The following SPG11 variants were observed in gnomAD, a reference collection of about 807,000 sequenced individuals.
The protein encoded by SPG11 is SPG11 vesicle trafficking associated, spatacsin.
Under a neutral mutation model 274.0 loss-of-function variants are expected in SPG11, and 222 were observed. That is an observed-to-expected ratio of 0.81 (90% confidence interval 0.73 to 0.91). SPG11 has a LOEUF of 0.91. SPG11 is among the 40% of genes least tolerant of loss of function. The pLI, the probability that SPG11 is intolerant of heterozygous loss-of-function variation, is 0.00. For missense variants in SPG11, 3,114 were observed against 2,872.7 expected (o/e 1.08, Z -1.92); for synonymous variants, 1,144 against 1,039.7 (o/e 1.10, Z -1.93).
intron 20 of SPG11, among the ~76,000 whole-genome samples, chr15:44,604,974 A>T (rs899416144): frequency 6.8e-6 from 1 of 147,906 alleles, no homozygotes; most frequent in African/African-American, 2.5e-5. Flanking sequence ...TTACATTTTC[A>T]TAACAGTTTC....
intron 33 of SPG11, among the ~76,000 whole-genome samples, chr15:44,571,496 C>CTTTTTTT (rs796235342): frequency 7.1e-5 from 9 of 126,136 alleles, no homozygotes; most frequent in East Asian, 4.6e-4. Context: ...AATTTCTTTT[C>CTTTTTTT]TTTTTTTTTT....
rs117309433 is a variant in SPG11 at position 44,586,043 on chromosome 15, G to A, written c.4907-193C>T. Reference sequence around the variant, plus strand: ...ACTGTCACCTAGGCTGGAATGCAGTGGTGTGATCTCCGCTCGCTGCAACCT... The same window carrying A: ...ACTGTCACCTAGGCTGGAATGCAGTAGTGTGATCTCCGCTCGCTGCAACCT... On this transcript the variant is annotated intron_variant, in intron 28 of 39. Transcript: ENST00000261866. Among the ~76,000 whole-genome samples the A allele has an allele frequency of 0.014, 1,955 of 136,860 alleles. 48 individuals are homozygous for A. The highest frequency in any genetic ancestry group is 0.096 in the East Asian group (455 of 4,720). The allele number at this position is 136,860 out of a possible 152,430, so 89.8% of individuals were successfully genotyped here. A position where few individuals can be genotyped will look rare whatever the true frequency, so the allele number is the denominator to read the frequency against.
chr15:44,572,993 T>TTC (rs1374684908), intron 32 of SPG11, among the ~76,000 whole-genome samples, 173 bp from the exon 33 acceptor site: 1 of 143,546 alleles, frequency 7.0e-6, no homozygotes, highest in Non-Finnish European at 1.5e-5. Context: ...TTTTTTTTTT[T>TTC]TTTTTTTTTT....
intron 27 of SPG11, among the ~76,000 whole-genome samples, chr15:44,592,103 A>G (rs961886829): frequency 3.4e-5 from 5 of 146,638 alleles, no homozygotes; most frequent in African/African-American, 1.3e-4. Flanking sequence ...AGAGCCAGAC[A>G]CTGTCTCAAA....
rs2085075207 is a variant in SPG11 at position 44,660,562 on chromosome 15, C to G, written c.312G>C (p.Leu104=). The G allele has an allele frequency of 1.2e-6, 2 of 1,614,116 alleles. No homozygotes were observed. The highest frequency in any genetic ancestry group is 1.7e-6 in the Non-Finnish European group (2 of 1,180,010). ...NSSTPTEKPK[L]LALGENYELL... ...GTTCATAATTTTCACCAAGAGCGAG[C>G]AGTTTGGGCTTTTCAGTTGGTGTGC... is the stretch of plus-strand genomic sequence containing the variant. Residue 104 remains leucine (L), a synonymous_variant, in exon 2 of 40, where the codon CTG becomes CTC. Transcript: ENST00000261866.
chr15:44,595,356 T>C lies in SPG11; in HGVS notation c.4538A>G (p.His1513Arg). 2 of 1,614,230 alleles carry C rather than the reference T, an allele frequency of 1.2e-6. No individual in the cohort carries two copies. Among genetic ancestry groups the C allele is most frequent in the South Asian group, 1.1e-5 (1 of 91,090 alleles). The change falls in exon 26 of 40, where the codon CAT (histidine) becomes CGT (arginine). Residue 1513 changes from histidine to arginine, a missense_variant. Physicochemically the swap from His to Arg is conservative, Grantham distance 29. Transcript: ENST00000261866. The stretch of plus-strand genomic sequence containing the variant: ...TGAAAGATCCTCAAGGTTCCAGGTA[T>C]GGTCCTCTGTTGAGTCCTGAATGTG... ...MGHIQDSTED[H>R]TWNLEDLSVI...
chr15:44,574,777 A>T, intron 31 of SPG11, 125 bp downstream of exon 31: 1 of 1,195,900 alleles, frequency 8.4e-7, no homozygotes, highest in Non-Finnish European at 1.2e-6. Context: ...CAACATCCTG[A>T]TAAGAGCTCT....
intron 33 of SPG11, chr15:44,572,479 G>C (rs1233677514): frequency 1.7e-6 from 1 of 590,354 alleles, no homozygotes; most frequent in African/African-American, 1.9e-5. Context: ...CTTTTTGTAT[G>C]ATTTTAAATT....
At chr15:44,616,650 T>TTGA (rs1280437730) in intron 15 of SPG11, among the ~76,000 whole-genome samples, 5 of 152,206 alleles carry the variant, frequency 3.3e-5, no homozygotes, top group African/African-American at 1.2e-4. Context: ...TTTATCCATG[T>TTGA]TGATACCTCT....
At chr15:44,592,214 G>T (rs139180394) in intron 27 of SPG11, 117 bp downstream of exon 27, 6 of 711,334 alleles carry the variant, frequency 8.4e-6, no homozygotes, top group African/African-American at 7.0e-5. Context: ...AGCTGTGATC[G>T]TAACACTGTG....
intron 16 of SPG11, among the ~76,000 whole-genome samples, chr15:44,614,052 A>G (rs952787102): frequency 1.3e-5 from 2 of 152,184 alleles, no homozygotes; most frequent in African/African-American, 4.8e-5. Flanking sequence ...AAAGTAAAAA[A>G]GAAATAAAAA....
chr15:44,566,063 T>C, intron 37 of SPG11, 54 bp from the exon 38 acceptor site: 2 of 1,608,340 alleles, frequency 1.2e-6, no homozygotes, highest in Admixed American at 1.7e-5. Context: ...TGTCACCTCC[T>C]GTGTGAACCC....
rs1425833345 is a variant in SPG11 at position 44,591,644 on chromosome 15, T to C, written c.4743+687A>G. On this transcript the variant is annotated intron_variant, in intron 27 of 39. Coordinates refer to ENST00000261866, the MANE Select transcript of SPG11 (RefSeq NM_025137.4). Reference sequence around the variant, plus strand: ...CATATTCAAATAACTGATTTGGTATTTTCAAATATATAACTTTCAAATCTT... The same window carrying C: ...CATATTCAAATAACTGATTTGGTATCTTCAAATATATAACTTTCAAATCTT... 2.6e-5 allele frequency among the ~76,000 whole-genome samples: 4 copies of C among 152,182 alleles called. No homozygotes were observed. In the East Asian group the frequency reaches 7.7e-4, roughly 29 times the overall value.
chr15:44,600,244 T>C, intron 21 of SPG11: 2 of 505,244 alleles, frequency 4.0e-6, no homozygotes, highest in South Asian at 2.2e-5. Flanking sequence ...ATGTAAAACA[T>C]TATACAGATA....
At chr15:44,591,001 A>G (rs922872342) in intron 27 of SPG11, 1 of 152,210 alleles carries the variant, frequency 6.6e-6, no homozygotes, top group Admixed American at 6.5e-5. Flanking sequence ...GGTTTATAAA[A>G]TCATGTGTCA....
At chr15:44,599,721 A>T (rs2083135591) in intron 21 of SPG11, among the ~76,000 whole-genome samples, 1 of 152,256 alleles carries the variant, frequency 6.6e-6, no homozygotes, top group African/African-American at 2.4e-5. Context: ...TTTGTTAATT[A>T]TAAAACAAAC....
intron 7 of SPG11, among the ~76,000 whole-genome samples, chr15:44,635,005 C>A (rs2084196014): frequency 6.6e-6 from 1 of 151,532 alleles, no homozygotes; most frequent in Non-Finnish European, 1.5e-5. Context: ...CAGCTGAGGT[C>A]AGGAGTTCGA....
rs1386496511 is a variant in SPG11 at position 44,660,587 on chromosome 15, C to G, written c.287G>C (p.Ser96Thr). Residue 96 changes from serine (S) to threonine (T), a missense_variant, in exon 2 of 40, where the codon AGC becomes ACC. By Grantham distance (58) the Ser-to-Thr change is moderately conservative. Transcript: ENST00000261866. ...CAGTTTGGGCTTTTCAGTTGGTGTG[C>G]TGCTGTTACGAGAATCCTCCCATAG... ...HFLWEDSRNS[S>T]TPTEKPKLLA... The G allele has an allele frequency of 6.2e-7, 1 of 1,613,964 alleles. No homozygotes were observed. Among genetic ancestry groups the G allele is most frequent in the Non-Finnish European group, 8.5e-7 (1 of 1,180,022 alleles).
At position 44,642,386 on chromosome 15, in the gene SPG11, AAAAG is replaced by A. The variant is rs1457297280; in HGVS notation, c.1602+6476_1602+6479del. ...TCTCAAAAAAAAAAAAAAGAAAAAAAAAAGAAAGAAAGGAAAGAAAAGAAAAAAA... is the reference window on the plus strand; with the variant it reads ...TCTCAAAAAAAAAAAAAAGAAAAAAAAAAGAAAGGAAAGAAAAGAAAAAAA... On this transcript the variant is annotated intron_variant, in intron 7 of 39. Coordinates refer to ENST00000261866, the MANE Select transcript of SPG11 (RefSeq NM_025137.4). 5.3e-5 allele frequency among the ~76,000 whole-genome samples: 8 copies of A among 150,096 alleles called. No homozygotes were observed. In the East Asian group the frequency reaches 7.7e-4, roughly 14 times the overall value.
Sources: gnomAD v4.1 joint callset for allele counts (sites outside exome capture counted in the v4.1 genomes callset) on GRCh38, gnomAD v4.1.1 for gene constraint, MANE v1.5 for transcripts, NCBI Gene and HGNC (gene_info 2026-07-23, HGNC 2026-07-21) for gene names.